Variants in ELOVL7 observed in about 807,000 individuals in gnomAD.
ELOVL7 encodes very long chain fatty acid elongase 7.
In ELOVL7, 27 loss-of-function variants were observed where a neutral mutation model predicts 35.7. That is an observed-to-expected ratio of 0.76 (90% confidence interval 0.56 to 1.04). The LOEUF (loss-of-function observed/expected upper bound fraction) is 1.04, where lower values mean the gene tolerates loss of function less well. Among genes scored for constraint, ELOVL7 ranks in the 50% least tolerant of loss-of-function variants. The pLI, the probability that ELOVL7 is intolerant of heterozygous loss-of-function variation, is 0.00. For synonymous variants in ELOVL7, 113 were observed against 114.6 expected (o/e 0.99, Z 0.09); for missense variants, 327 against 340.8 (o/e 0.96, Z 0.32).
intron 2 of ELOVL7, 146 bp from the exon 3 acceptor site, chr5:60,787,577 T>G: frequency 2.0e-6 from 1 of 488,936 alleles, no homozygotes; most frequent in African/African-American, 2.0e-5. Flanking sequence ...AATGCATAAG[T>G]AAATTACTTT....
chr5:60,793,776 T>C (rs1383125058), intron 2 of ELOVL7, among the ~76,000 whole-genome samples: 2 of 152,056 alleles, frequency 1.3e-5, no homozygotes, highest in Non-Finnish European at 2.9e-5. Context: ...GGGCCCATGA[T>C]GGTGAAAAAG....
rs763982943 is a variant in ELOVL7, at chr5:60,757,573, G to T, written c.572C>A (p.Ser191Tyr). ...HVVMYSYYGL[S>Y]ALGPAYQKYL... is the part of the protein sequence containing the mutation. ...CTTCTGGTAGGCTGGCCCCAATGCA[G>T]AAAGTCCATAGTAGGAATACATGAC... Residue 191 changes from serine (S) to tyrosine (Y), a missense_variant, in exon 8 of 9, where the codon TCT becomes TAT. Ser to Tyr is a moderately radical substitution (Grantham distance 144, BLOSUM62 -2). Transcript: ENST00000508821. 5.6e-6 allele frequency: 9 copies of T among 1,613,238 alleles called. No individual in the cohort carries two copies. The Admixed American group carries it at 6.7e-5, about 12-fold the overall frequency.
At chr5:60,838,315 C>G (rs769032437) in intron 1 of ELOVL7, among the ~76,000 whole-genome samples, 2 of 152,310 alleles carry the variant, frequency 1.3e-5, no homozygotes, top group Admixed American at 6.5e-5. Context: ...TGCCCTAACT[C>G]GCACTCTTCC....
At chr5:60,771,450 C>T (rs1224736320) in intron 4 of ELOVL7, among the ~76,000 whole-genome samples, 1 of 152,188 alleles carries the variant, frequency 6.6e-6, no homozygotes, top group Non-Finnish European at 1.5e-5. Flanking sequence ...CTAACCAAAA[C>T]AGTCTACCAT....
In ELOVL7 at chr5:60,754,525, T is replaced by A. The variant is rs940246202; in HGVS notation, c.*99A>T. 72 of 1,078,078 alleles carry A rather than the reference T, an allele frequency of 6.7e-5. No homozygotes were observed. In the African/African-American group the frequency reaches 1.0e-3, roughly 15 times the overall value. 66.8% of individuals were successfully genotyped at this position (1,078,078 alleles called of 1,614,324 possible). Reference sequence around the variant, plus strand: ...AACTTACCATAAAAATACAAGCTCTTAGTTTTGAAAAATATACAAAATGCA... The same window carrying A: ...AACTTACCATAAAAATACAAGCTCTAAGTTTTGAAAAATATACAAAATGCA... On this transcript the variant is annotated 3_prime_UTR_variant, in exon 9 of 9. Transcript: ENST00000508821.
intron 3 of ELOVL7, among the ~76,000 whole-genome samples, chr5:60,783,236 T>C (rs1743367628): frequency 6.6e-6 from 1 of 152,232 alleles, no homozygotes; most frequent in Admixed American, 6.5e-5. Context: ...TCCAATCTGC[T>C]ACATTGGTCT....
chr5:60,774,641 C>T (rs1201076958), intron 3 of ELOVL7, among the ~76,000 whole-genome samples: 1 of 151,686 alleles, frequency 6.6e-6, no homozygotes, highest in African/African-American at 2.4e-5. Context: ...CTAGCCAGAG[C>T]AATCAGGCAA....
At chr5:60,774,764 CTTT>C (rs1441731287) in intron 3 of ELOVL7, among the ~76,000 whole-genome samples, 8 of 136,716 alleles carry the variant, frequency 5.9e-5, no homozygotes, top group Non-Finnish European at 7.9e-5. Context: ...ATAAAACTCT[CTTT>C]TTTTTTTTTT....
intron 3 of ELOVL7, among the ~76,000 whole-genome samples, chr5:60,783,675 G>A (rs1743395046): frequency 6.6e-6 from 1 of 152,194 alleles, no homozygotes; most frequent in Non-Finnish European, 1.5e-5. Context: ...AATAATGAGA[G>A]TTCAGGTAGC....
chr5:60,779,973 G>C (rs1310063017), intron 3 of ELOVL7, among the ~76,000 whole-genome samples: 1 of 152,058 alleles, frequency 6.6e-6, no homozygotes, highest in East Asian at 1.9e-4. Context: ...TTTTTCTAAA[G>C]CATAGTGTTA....
intron 1 of ELOVL7, among the ~76,000 whole-genome samples, chr5:60,813,249 G>C (rs1407709013): frequency 6.6e-6 from 1 of 152,094 alleles, no homozygotes; most frequent in African/African-American, 2.4e-5. Flanking sequence ...CCTGTGAGCT[G>C]TTACAACCTG....
At chr5:60,766,389 T>G (rs1742237263) in intron 6 of ELOVL7, among the ~76,000 whole-genome samples, 185 bp downstream of exon 6, 2 of 152,226 alleles carry the variant, frequency 1.3e-5, no homozygotes, top group Non-Finnish European at 2.9e-5. Context: ...ATCCTATCTA[T>G]TCTCTAAAGT....
chr5:60,832,152 C>A (rs1054446116), intron 1 of ELOVL7, among the ~76,000 whole-genome samples: 26 of 152,170 alleles, frequency 1.7e-4, no homozygotes, highest in African/African-American at 6.3e-4. Context: ...CTGCCAGCCA[C>A]CACTCAGGTG....
At chr5:60,836,847 A>C (rs958910237) in intron 1 of ELOVL7, among the ~76,000 whole-genome samples, 1 of 151,904 alleles carries the variant, frequency 6.6e-6, no homozygotes, top group East Asian at 1.9e-4. Context: ...ATTGACACTA[A>C]AAAATCTAAA....
chr5:60,797,592 A>G (rs1744340835), intron 2 of ELOVL7, among the ~76,000 whole-genome samples: 1 of 152,202 alleles, frequency 6.6e-6, no homozygotes, highest in African/African-American at 2.4e-5. Context: ...TCCCAGAGAG[A>G]AAGGTAATAA....
chr5:60,767,746 T>G, intron 5 of ELOVL7, 77 bp downstream of exon 5: 1 of 1,021,520 alleles, frequency 9.8e-7, no homozygotes, highest in Non-Finnish European at 1.5e-6. Context: ...ATTCTAAGTT[T>G]ACGTTCAGTG....
chr5:60,804,536 TAAA>T (rs1744820926), intron 1 of ELOVL7, among the ~76,000 whole-genome samples: 1 of 152,126 alleles, frequency 6.6e-6, no homozygotes, highest in Non-Finnish European at 1.5e-5. Flanking sequence ...AAAAGCATCT[TAAA>T]AACTGTACAG....
At chr5:60,810,830 T>C (rs549407538) in intron 1 of ELOVL7, among the ~76,000 whole-genome samples, 2 of 152,314 alleles carry the variant, frequency 1.3e-5, no homozygotes, top group East Asian at 3.9e-4. Flanking sequence ...AGCAAATTTG[T>C]ATTGTGCACA....
chr5:60,797,202 G>A (rs1355307106), intron 2 of ELOVL7, among the ~76,000 whole-genome samples: 1 of 152,180 alleles, frequency 6.6e-6, no homozygotes, highest in African/African-American at 2.4e-5. Context: ...ATGTGTGTAT[G>A]CGGCAATATA....
Sources: allele counts gnomAD v4.1 joint callset (sites outside exome capture counted in the v4.1 genomes callset), GRCh38; gene constraint gnomAD v4.1.1; transcripts MANE v1.5; gene names NCBI Gene and HGNC (gene_info 2026-07-23, HGNC 2026-07-21).